Variants in CYRIB observed in about 807,000 individuals in gnomAD.
CYRIB encodes CYFIP-related Rac1 interactor B.
In CYRIB, 8 loss-of-function variants were observed where a neutral mutation model predicts 44.2. The ratio of observed to expected loss-of-function variants is 0.18; its 90% CI spans 0.11 to 0.33. The LOEUF (loss-of-function observed/expected upper bound fraction) is 0.33. Ranked by LOEUF, CYRIB falls within the 10% of genes least tolerant of loss-of-function variation. CYRIB has a pLI of 1.00. For missense variants in CYRIB, 185 were observed against 382.8 expected (o/e 0.48, Z 4.31); for synonymous variants, 131 against 127.2 (o/e 1.03, Z -0.20).
At position 129,919,900 on chromosome 8, in the gene CYRIB, G is replaced by A. The variant is rs375818509; in HGVS notation, c.-49-16550C>T. ...AACTCCAAGAATTCAGAAGAACACC[G>A]GGTAAGATTTTTCAGTCCTAATAAA... On this transcript the variant is annotated intron_variant, in intron 1 of 11. Coordinates refer to ENST00000519824, the Ensembl canonical transcript of CYRIB. Among the ~76,000 whole-genome samples the A allele has an allele frequency of 1.8e-4, 27 of 152,082 alleles. 1 individual carries two copies. The East Asian group carries it at 3.1e-3, about 17-fold the overall frequency.
chr8:129,993,718 C>T (rs997599371), intron 1 of CYRIB, among the ~76,000 whole-genome samples: 4 of 151,778 alleles, frequency 2.6e-5, no homozygotes, highest in Middle Eastern at 3.4e-3. Context: ...AAAAATTAGC[C>T]GGACGTGGTG....
intron 5 of CYRIB, among the ~76,000 whole-genome samples, chr8:129,859,150 ACATGGGT>A: frequency 6.6e-6 from 1 of 152,232 alleles, no homozygotes; most frequent in Non-Finnish European, 1.5e-5. Flanking sequence ...AGGGAAGGCC[ACATGGGT>A]CACATGTCCA....
chr8:129,858,367 C>A (rs1000118674), intron 5 of CYRIB, among the ~76,000 whole-genome samples: 1 of 152,140 alleles, frequency 6.6e-6, no homozygotes, highest in African/African-American at 2.4e-5. Context: ...CCAAAGGAAG[C>A]TGGCAGATGA....
At chr8:129,987,563 T>TC (rs1433446474) in intron 1 of CYRIB, among the ~76,000 whole-genome samples, 1 of 73,890 alleles carries the variant, frequency 1.4e-5, no homozygotes, top group East Asian at 5.1e-4. Context: ...TGTCTTTTTT[T>TC]TTTTCTTTTT....
In CYRIB at chr8:129,913,767, T is replaced by C. The variant is rs184855381; in HGVS notation, c.-49-10417A>G. ...GATAATATTAATACCTACCACCTAA[T>C]TGGGTTATTATGAAGATTAAATAAG... On this transcript the variant is annotated intron_variant, in intron 1 of 11. Transcript: ENST00000519824. 4.9e-4 allele frequency among the ~76,000 whole-genome samples: 74 copies of C among 152,274 alleles called. No individual in the cohort carries two copies. In the South Asian group the frequency reaches 0.01, roughly 21 times the overall value.
At chr8:129,922,001 C>A (rs1410531694) in intron 1 of CYRIB, among the ~76,000 whole-genome samples, 2 of 152,162 alleles carry the variant, frequency 1.3e-5, no homozygotes, top group East Asian at 3.9e-4. Context: ...TTTATCTACA[C>A]CCCAGGACTT....
chr8:130,016,056 C>T (rs1433441745), intron 1 of CYRIB, among the ~76,000 whole-genome samples: 1 of 151,402 alleles, frequency 6.6e-6, no homozygotes, highest in African/African-American at 2.4e-5. Context: ...CACAAGGCGC[C>T]GGCTCCGCAG....
rs187936612 is a variant in CYRIB at position 129,956,514 on chromosome 8, C to T, written c.-243+14429G>A. Reference sequence around the variant, plus strand: ...CAAGAGGCAGCAAGATTCATATATACACATACATGTCTTTGTGTTTGCACA... The same window carrying T: ...CAAGAGGCAGCAAGATTCATATATATACATACATGTCTTTGTGTTTGCACA... On this transcript the variant is annotated intron_variant, in intron 2 of 14. Transcript: ENST00000401979. Among the ~76,000 whole-genome samples, 148 of 149,440 alleles carry T rather than the reference C, an allele frequency of 9.9e-4. 1 individual carries two copies. The highest frequency in any genetic ancestry group is 4.3e-3 in the South Asian group (20 of 4,602).
intron 1 of CYRIB, among the ~76,000 whole-genome samples, chr8:129,986,526 C>A (rs1450007566): frequency 1.3e-5 from 2 of 152,188 alleles, no homozygotes; most frequent in East Asian, 3.9e-4. Context: ...TTCATCCATT[C>A]ATGGATTAAT....
At chr8:129,977,684 A>G (rs1235815140) in intron 1 of CYRIB, among the ~76,000 whole-genome samples, 1 of 151,980 alleles carries the variant, frequency 6.6e-6, no homozygotes, top group Non-Finnish European at 1.5e-5. Context: ...GGCGCCCGCC[A>G]CCACGCCCGG....
intron 1 of CYRIB, among the ~76,000 whole-genome samples, chr8:129,975,560 C>G (rs772070702): frequency 6.6e-6 from 1 of 152,116 alleles, no homozygotes; most frequent in African/African-American, 2.4e-5. Flanking sequence ...TTCTGATAAA[C>G]GCCACGGAGC....
At chr8:129,847,640 T>C (rs566417153) in intron 10 of CYRIB, among the ~76,000 whole-genome samples, 57 of 152,208 alleles carry the variant, frequency 3.7e-4, no homozygotes, top group Non-Finnish European at 7.2e-4. Context: ...TTATACGAAG[T>C]GTTATGCCTG....
chr8:129,885,741 A>C (rs892662803), intron 2 of CYRIB, among the ~76,000 whole-genome samples: 1 of 152,114 alleles, frequency 6.6e-6, no homozygotes, highest in Non-Finnish European at 1.5e-5. Flanking sequence ...ACCAACCTGA[A>C]GTGCAGCCTC....
intron 1 of CYRIB, among the ~76,000 whole-genome samples, chr8:129,907,361 C>G (rs891667731): frequency 3.3e-5 from 5 of 152,166 alleles, no homozygotes; most frequent in Middle Eastern, 6.8e-3. Context: ...AAACCAAACA[C>G]TGCATGTTCT....
At chr8:129,887,681 A>AC (rs2063340119) in intron 2 of CYRIB, among the ~76,000 whole-genome samples, 2 of 152,330 alleles carry the variant, frequency 1.3e-5, no homozygotes, top group South Asian at 4.1e-4. Context: ...TTAGGAGCCC[A>AC]CCCCTTACAT....
intron 4 of CYRIB, among the ~76,000 whole-genome samples, chr8:129,863,997 A>G (rs1017595103): frequency 2.0e-5 from 3 of 152,224 alleles, no homozygotes; most frequent in East Asian, 3.8e-4. Flanking sequence ...TTCTGACTCC[A>G]TCCACACAAA....
rs1171288097 is a variant in CYRIB at position 129,910,477 on chromosome 8, CTTTTT to C, written c.-49-7132_-49-7128del. Among the ~76,000 whole-genome samples the C allele has an allele frequency of 4.4e-4, 49 of 110,656 alleles. 1 individual carries two copies. Among genetic ancestry groups the C allele is most frequent in the African/African-American group, 1.2e-3 (35 of 29,416 alleles). The allele number at this position is 110,656 out of a possible 152,430, so 72.6% of individuals were successfully genotyped here. On this transcript the variant is annotated intron_variant, in intron 1 of 11. Transcript: ENST00000519824. ...CCTTGACAAGTGGTGCCTTCTTTCA[CTTTTT>C]TTTTTTTTTTTTTTTTTTTTTTAAA... is the stretch of plus-strand genomic sequence containing the variant.
At chr8:129,905,955 C>G (rs1369294729) in intron 1 of CYRIB, among the ~76,000 whole-genome samples, 1 of 152,084 alleles carries the variant, frequency 6.6e-6, no homozygotes, top group Non-Finnish European at 1.5e-5. Context: ...TGCCTCCATA[C>G]AAACAAATGG....
At chr8:129,896,648 A>G (rs896104507) in intron 2 of CYRIB, 1 of 152,188 alleles carries the variant, frequency 6.6e-6, no homozygotes, top group African/African-American at 2.4e-5. Context: ...ATTCTCATCC[A>G]TTACTTATAA....
Sources: allele counts gnomAD v4.1 joint callset (sites outside exome capture counted in the v4.1 genomes callset), GRCh38; gene constraint gnomAD v4.1.1; transcripts MANE v1.5; gene names NCBI Gene and HGNC (gene_info 2026-07-23, HGNC 2026-07-21).